KHDRBS2: variants seen among roughly 807,000 people sequenced by gnomAD.
The protein encoded by KHDRBS2 is KH domain-containing, RNA-binding, signal transduction-associated protein 2.
KHDRBS2 carries 26 observed loss-of-function variants against 44.3 expected under a neutral mutation model. The ratio of observed to expected loss-of-function variants is 0.59; its 90% CI spans 0.43 to 0.81. The LOEUF is 0.81. Among genes scored for constraint, KHDRBS2 ranks in the 40% least tolerant of loss-of-function variants. KHDRBS2 has a pLI of 0.00. For missense variants in KHDRBS2, 476 were observed against 433.1 expected (o/e 1.10, Z -0.88); for synonymous variants, 194 against 151.1 (o/e 1.28, Z -2.08).
chr6:61,824,351 G>A (rs776761679), intron 6 of KHDRBS2, among the ~76,000 whole-genome samples: 22 of 152,022 alleles, frequency 1.4e-4, no homozygotes, highest in Non-Finnish European at 1.5e-4. Flanking sequence ...GTTTGAAAGC[G>A]TGTAGCACTC....
At chr6:62,121,556 C>T (rs1299735608) in intron 2 of KHDRBS2, among the ~76,000 whole-genome samples, 1 of 152,190 alleles carries the variant, frequency 6.6e-6, no homozygotes, top group African/African-American at 2.4e-5. Flanking sequence ...TTGGCAAATG[C>T]TTTTTTCTCC....
At chr6:61,578,907 G>A in the KHDRBS2 span, among the ~76,000 whole-genome samples, 4 of 151,984 alleles carry the variant, frequency 2.6e-5, no homozygotes, top group African/African-American at 7.3e-5. Context: ...ACTTTCCATG[G>A]GATTTACATG....
intron 1 of KHDRBS2, among the ~76,000 whole-genome samples, chr6:62,243,973 A>C (rs754783669): frequency 1.2e-4 from 18 of 152,130 alleles, no homozygotes; most frequent in Non-Finnish European, 1.6e-4. Context: ...GAGTATATCA[A>C]GTATTATTTT....
the KHDRBS2 span, among the ~76,000 whole-genome samples, chr6:61,550,169 G>C: frequency 6.6e-6 from 1 of 152,034 alleles, no homozygotes; most frequent in Admixed American, 6.6e-5. Flanking sequence ...CATAGTACTC[G>C]ATAGGTAGTT....
chr6:61,768,499 T>C (rs1215677186), intron 6 of KHDRBS2, among the ~76,000 whole-genome samples: 1 of 152,182 alleles, frequency 6.6e-6, no homozygotes, highest in East Asian at 1.9e-4. Flanking sequence ...TAGATTTGCA[T>C]TTTTGTGGCT....
At chr6:62,156,733 G>T (rs1050332886) in intron 2 of KHDRBS2, among the ~76,000 whole-genome samples, 1 of 151,950 alleles carries the variant, frequency 6.6e-6, no homozygotes, top group Non-Finnish European at 1.5e-5. Context: ...GTGCAGTGGC[G>T]TGATCTCGGC....
At chr6:61,710,704 A>C (rs1562006659) in intron 7 of KHDRBS2, among the ~76,000 whole-genome samples, 1 of 146,746 alleles carries the variant, frequency 6.8e-6, no homozygotes, top group Non-Finnish European at 1.5e-5. Context: ...GTATTTACCC[A>C]CCCTCCTAGG....
chr6:62,138,829 G>A (rs191850610), intron 2 of KHDRBS2, among the ~76,000 whole-genome samples: 97 of 152,216 alleles, frequency 6.4e-4, no homozygotes, highest in African/African-American at 2.2e-3. Flanking sequence ...CAAAATACAA[G>A]GTTAAATATA....
At chr6:61,807,524 T>C (rs979551528) in intron 6 of KHDRBS2, among the ~76,000 whole-genome samples, 1 of 151,976 alleles carries the variant, frequency 6.6e-6, no homozygotes, top group Non-Finnish European at 1.5e-5. Context: ...TGCGGCAACA[T>C]AGATGGAGCT....
At chr6:62,010,832 C>G (rs1366308004) in intron 3 of KHDRBS2, among the ~76,000 whole-genome samples, 1 of 151,880 alleles carries the variant, frequency 6.6e-6, no homozygotes, top group Admixed American at 6.6e-5. Context: ...TGTTAATTAC[C>G]CAATTCCTAT....
At chr6:61,948,925 T>A (rs1305460598) in intron 4 of KHDRBS2, among the ~76,000 whole-genome samples, 1 of 152,002 alleles carries the variant, frequency 6.6e-6, no homozygotes, top group Non-Finnish European at 1.5e-5. Context: ...TTCCACGTGT[T>A]ATGCGAGCGG....
At chr6:61,822,205 C>T (rs1460258759) in intron 6 of KHDRBS2, among the ~76,000 whole-genome samples, 1 of 151,882 alleles carries the variant, frequency 6.6e-6, no homozygotes, top group African/African-American at 2.4e-5. Context: ...ATAGGTACCT[C>T]CAAATCAGTC....
At chr6:62,282,088 T>A (rs182231350) in intron 1 of KHDRBS2, among the ~76,000 whole-genome samples, 1 of 152,308 alleles carries the variant, frequency 6.6e-6, no homozygotes, top group African/African-American at 2.4e-5. Flanking sequence ...GACATGACAC[T>A]AATAACTTTC....
intron 6 of KHDRBS2, among the ~76,000 whole-genome samples, chr6:61,769,677 AAGC>A (rs1440760276): frequency 6.6e-5 from 10 of 152,218 alleles, no homozygotes; most frequent in Admixed American, 5.2e-4. Context: ...TAGGTAAACA[AAGC>A]GGCCAGGAAG....
At chr6:62,225,066 T>C (rs1216643398) in intron 1 of KHDRBS2, among the ~76,000 whole-genome samples, 3 of 152,162 alleles carry the variant, frequency 2.0e-5, no homozygotes, top group Non-Finnish European at 2.9e-5. Context: ...TTATTTTTCA[T>C]AACTGAGGAA....
At chr6:61,759,236 G>T (rs1334228659) in intron 6 of KHDRBS2, among the ~76,000 whole-genome samples, 1 of 152,104 alleles carries the variant, frequency 6.6e-6, no homozygotes, top group African/African-American at 2.4e-5. Context: ...TGGTAACTAT[G>T]AGAGATACTG....
chr6:62,007,133 A>G (rs1389265178), intron 3 of KHDRBS2, among the ~76,000 whole-genome samples: 1 of 152,060 alleles, frequency 6.6e-6, no homozygotes, highest in African/African-American at 2.4e-5. Context: ...GGCTCGTCAA[A>G]CAAAAAGCTA....
In KHDRBS2 at chr6:62,047,874, G is replaced by T. The variant is rs1167812128; in HGVS notation, c.336+4C>A. 1.0e-5 allele frequency: 16 copies of T among 1,571,992 alleles called. No homozygotes were observed. The highest frequency in any genetic ancestry group is 1.3e-5 in the Non-Finnish European group (15 of 1,142,300). On this transcript the variant is annotated splice_donor_region_variant and intron_variant, in intron 3 of 8. Transcript: ENST00000281156. ...TGGTAAATATTAGATTCAAAGTTCA[G>T]TACCTTAGCTTTATCTCTCATTGAT...
At chr6:61,892,140 T>A (rs1801957872) in intron 6 of KHDRBS2, among the ~76,000 whole-genome samples, 1 of 152,066 alleles carries the variant, frequency 6.6e-6, no homozygotes, top group African/African-American at 2.4e-5. Context: ...ATGAGTGAAC[T>A]CCCATTCACA....
Sources: gnomAD v4.1 joint callset for allele counts (sites outside exome capture counted in the v4.1 genomes callset) on GRCh38, gnomAD v4.1.1 for gene constraint, MANE v1.5 for transcripts, NCBI Gene and HGNC (gene_info 2026-07-23, HGNC 2026-07-21) for gene names.